Variants in RBL1 observed in about 807,000 individuals in gnomAD.
The protein encoded by RBL1 is RB transcriptional corepressor like 1.
In RBL1, 82 loss-of-function variants were observed where a neutral mutation model predicts 123.0. The observed-to-expected ratio is 0.67, with a 90% CI of 0.56 to 0.80. The LOEUF (loss-of-function observed/expected upper bound fraction) is 0.80. Among genes scored for constraint, RBL1 ranks in the 30% least tolerant of loss-of-function variants. The pLI, the probability that RBL1 is intolerant of heterozygous loss-of-function variation, is 0.00. For synonymous variants in RBL1, 405 were observed against 441.3 expected, an observed-to-expected ratio of 0.92 and a Z score of 1.03; for missense variants, 1,171 against 1,299.6, an observed-to-expected ratio of 0.90 and a Z score of 1.52.
In RBL1 at chr20:37,074,191, T is replaced by C. The variant is rs560002963; in HGVS notation, c.291-6005A>G. 2.6e-5 allele frequency among the ~76,000 whole-genome samples: 4 copies of C among 151,804 alleles called. No individual in the cohort carries two copies. In the East Asian group the frequency reaches 5.8e-4, roughly 22 times the overall value. Reference sequence around the variant, plus strand: ...ACTTTGGGAGGCTGAGGCAGGAAGATAGCTTTGAGTCCAGGAGTTCGAGAC... The same window carrying C: ...ACTTTGGGAGGCTGAGGCAGGAAGACAGCTTTGAGTCCAGGAGTTCGAGAC... On this transcript the variant is annotated intron_variant, in intron 2 of 21. Transcript: ENST00000373664.
chr20:37,035,515 A>T lies in RBL1; in HGVS notation c.1904-7T>A, dbSNP rs772201892. The stretch of plus-strand genomic sequence containing the variant: ...GGAGACAATGGTTGCATATCTAAAA[A>T]AAAATAATAAATTTAAAACAGAAAT... On this transcript the variant is annotated splice_polypyrimidine_tract_variant and splice_region_variant and intron_variant, in intron 14 of 21. Coordinates refer to ENST00000373664, the MANE Select transcript of RBL1 (RefSeq NM_002895.5). 23 of 1,537,876 alleles carry T rather than the reference A, an allele frequency of 1.5e-5. No individual in the cohort carries two copies. The South Asian group carries it at 2.8e-4, about 19-fold the overall frequency.
chr20:37,028,175 G>C (rs907485715), intron 16 of RBL1, among the ~76,000 whole-genome samples: 100 of 152,232 alleles, frequency 6.6e-4, no homozygotes, highest in African/African-American at 2.2e-3. Flanking sequence ...GACCAGGCTG[G>C]CCAATATGGT....
intron 2 of RBL1, among the ~76,000 whole-genome samples, chr20:37,081,528 T>C (rs1600598506): frequency 6.6e-6 from 1 of 152,066 alleles, no homozygotes; most frequent in African/African-American, 2.4e-5. Context: ...CATGGTGGAA[T>C]GCACCTATAG....
Position 37,062,249 on chromosome 20 carries a change from A to C in RBL1, c.918T>G (p.Tyr306Ter), listed in dbSNP as rs1395150986. 6.2e-7 allele frequency: 1 copy of C among 1,614,140 alleles called. No individual in the cohort carries two copies. The highest frequency in any genetic ancestry group is 8.5e-7 in the Non-Finnish European group (1 of 1,180,024). The change falls in exon 8 of 22, where the codon TAT (tyrosine) becomes TAG (stop). Residue 306 changes from tyrosine to a stop codon, truncating the protein, a stop_gained. Transcript: ENST00000373664. LOFTEE classifies it high-confidence loss of function. ...CACCAACAGTTAGAACATACTCTTCATACTCCTTATTCACTGCTTTGCTGC... is the reference window on the plus strand; with the variant it reads ...CACCAACAGTTAGAACATACTCTTCCTACTCCTTATTCACTGCTTTGCTGC... ...TDNSKAVNKE[Y>*]EEYVLTVGDF...
intron 19 of RBL1, among the ~76,000 whole-genome samples, chr20:37,012,998 G>A (rs1380215279): frequency 6.6e-6 from 1 of 151,944 alleles, no homozygotes; most frequent in Non-Finnish European, 1.5e-5. Flanking sequence ...CAGTCACCCC[G>A]TTGGGGAGGT....
At chr20:37,030,812 G>A (rs185894126) in intron 16 of RBL1, among the ~76,000 whole-genome samples, 60 of 149,800 alleles carry the variant, frequency 4.0e-4, no homozygotes, top group Non-Finnish European at 6.5e-4. Flanking sequence ...CCGAGATTGC[G>A]CTACTGCACT....
rs970738840 is a variant in RBL1 at position 37,018,215 on chromosome 20, A to G, written c.2722+64T>C. On this transcript the variant is annotated intron_variant, in intron 19 of 21. Transcript: ENST00000373664. ...CACATTTCCATGTTGTCTGACACCC[A>G]CTGTATTATGTACAGTGTGATCCAA... 416 of 1,441,950 alleles carry G rather than the reference A, an allele frequency of 2.9e-4. 2 individuals are homozygous for G. Among genetic ancestry groups the G allele is most frequent in the Non-Finnish European group, 2.9e-4 (315 of 1,095,384 alleles). 89.3% of individuals were successfully genotyped at this position (1,441,950 alleles called of 1,614,324 possible).
At chr20:37,018,416 AG>A (rs1568827595) in intron 18 of RBL1, 47 bp from the exon 19 acceptor site, 2 of 1,545,462 alleles carry the variant, frequency 1.3e-6, no homozygotes, top group South Asian at 2.5e-5. Flanking sequence ...ACAGAGGTAC[AG>A]GTTAAACAAA....
In RBL1 at chr20:37,042,815, T is replaced by C. The variant is rs572262851; in HGVS notation, c.1770+1271A>G. On this transcript the variant is annotated intron_variant, in intron 13 of 21. Coordinates refer to ENST00000373664, the MANE Select transcript of RBL1 (RefSeq NM_002895.5). The stretch of plus-strand genomic sequence containing the variant: ...TACTCAGAAGGCTGTGGGGAGATCA[T>C]TTGTGCCTGGGAGGTTGAGGCTGCA... Among the ~76,000 whole-genome samples, 4 of 150,500 alleles carry C rather than the reference T, an allele frequency of 2.7e-5. 1 individual carries two copies. The South Asian group carries it at 8.4e-4, about 32-fold the overall frequency.
intron 9 of RBL1, among the ~76,000 whole-genome samples, chr20:37,058,154 C>A (rs1180647959): frequency 1.5e-5 from 2 of 131,976 alleles, no homozygotes; most frequent in African/African-American, 5.1e-5. Context: ...AAAAAAAAAG[C>A]CTATTCCAGG....
intron 2 of RBL1, among the ~76,000 whole-genome samples, chr20:37,079,709 T>TGGG (rs915761462): frequency 3.3e-5 from 5 of 152,060 alleles, no homozygotes; most frequent in African/African-American, 1.2e-4. Context: ...CCTGAACTCC[T>TGGG]GGGCTCCCTC....
At chr20:37,026,099 A>G (rs1226589025) in intron 16 of RBL1, among the ~76,000 whole-genome samples, 2 of 152,196 alleles carry the variant, frequency 1.3e-5, no homozygotes, top group African/African-American at 2.4e-5. Flanking sequence ...ATTTACACAG[A>G]CTTTATGTGA....
intron 20 of RBL1, among the ~76,000 whole-genome samples, chr20:37,006,363 G>A (rs2064072927): frequency 6.6e-6 from 1 of 150,670 alleles, no homozygotes; most frequent in Non-Finnish European, 1.5e-5. Flanking sequence ...ACCACGCCCA[G>A]CTAATTTTTG....
chr20:37,050,873 C>A (rs1600532984), intron 11 of RBL1, among the ~76,000 whole-genome samples: 1 of 151,634 alleles, frequency 6.6e-6, no homozygotes, highest in East Asian at 1.9e-4. Context: ...AAAAACAGGT[C>A]ACATACTACT....
At chr20:37,015,765 G>A (rs1028263943) in intron 19 of RBL1, among the ~76,000 whole-genome samples, 10 of 151,372 alleles carry the variant, frequency 6.6e-5, no homozygotes, top group South Asian at 2.1e-4. Context: ...TAGCTCTGTC[G>A]CCCAGACTGG....
intron 19 of RBL1, among the ~76,000 whole-genome samples, chr20:37,017,683 T>A (rs1290595621): frequency 6.7e-6 from 1 of 149,176 alleles, no homozygotes; most frequent in Non-Finnish European, 1.5e-5. Context: ...CAGGCTGGAG[T>A]GCAGTGGCGT....
intron 11 of RBL1, chr20:37,049,701 T>C (rs759897954): frequency 6.9e-6 from 5 of 726,438 alleles, no homozygotes; most frequent in Non-Finnish European, 1.2e-5. Flanking sequence ...AACCAGAAGA[T>C]AACTAACTGT....
intron 7 of RBL1, 30 bp downstream of exon 7, chr20:37,065,394 A>T (rs2065161836): frequency 6.8e-7 from 1 of 1,477,754 alleles, no homozygotes; most frequent in East Asian, 2.3e-5. Flanking sequence ...GCTTGTGATA[A>T]GCCAGGCACC....
chr20:37,013,638 G>T (rs999218660), intron 19 of RBL1, among the ~76,000 whole-genome samples: 2 of 151,580 alleles, frequency 1.3e-5, no homozygotes, highest in African/African-American at 4.8e-5. Flanking sequence ...CCATGAAAGG[G>T]ATGAAAGATC....
Sources: gnomAD v4.1 joint callset for allele counts (sites outside exome capture counted in the v4.1 genomes callset) on GRCh38, gnomAD v4.1.1 for gene constraint, MANE v1.5 for transcripts, NCBI Gene and HGNC (gene_info 2026-07-23, HGNC 2026-07-21) for gene names.